DTD1: variants seen among roughly 807,000 people sequenced by gnomAD.
DTD1 encodes D-tyrosyl-tRNA deacylase 1 homolog.
DTD1 carries 13 observed loss-of-function variants against 25.6 expected under a neutral mutation model. The observed-to-expected ratio is 0.51, with a 90% CI of 0.33 to 0.81. The LOEUF (loss-of-function observed/expected upper bound fraction) is 0.81. DTD1 is among the 30% of genes least tolerant of loss of function. The pLI is 0.02. For synonymous variants in DTD1, 110 were observed against 103.6 expected (o/e 1.06, Z -0.37); for missense variants, 193 against 266.4 (o/e 0.72, Z 1.92).
intron 3 of DTD1, 107 bp downstream of exon 3, chr20:18,596,348 A>G: frequency 2.2e-6 from 2 of 928,210 alleles, no homozygotes; most frequent in South Asian, 3.3e-5. Flanking sequence ...GTCATTGTTT[A>G]TGCTTGTTAC....
Position 18,725,105 on chromosome 20 carries a change from G to A in DTD1, c.478-18995G>A, listed in dbSNP as rs186116492. On this transcript the variant is annotated intron_variant, in intron 4 of 5. Coordinates refer to ENST00000377452, the MANE Select transcript of DTD1 (RefSeq NM_080820.6). ...CCTGCAGAGCAGGGCTACCCTGCAG[G>A]CAGAGAGTAGCAGCTCAGGGCAGTT... Among the ~76,000 whole-genome samples, 4 of 151,050 alleles carry A rather than the reference G, an allele frequency of 2.6e-5. No homozygotes were observed. The East Asian group carries it at 7.7e-4, about 29-fold the overall frequency.
intron 4 of DTD1, among the ~76,000 whole-genome samples, chr20:18,721,913 C>G (rs116770135): frequency 6.6e-6 from 1 of 152,286 alleles, no homozygotes; most frequent in African/African-American, 2.4e-5. Context: ...ACACCCGGGT[C>G]TGTGCAGTGT....
At position 18,661,573 on chromosome 20, in the gene DTD1, G is replaced by C. The variant is rs148814932; in HGVS notation, c.477+33340G>C. On this transcript the variant is annotated intron_variant, in intron 4 of 5. Transcript: ENST00000377452. Reference sequence around the variant, plus strand: ...TTTTTAGTAGAGACGGGGTTTCACCGTGTTAGCCAGGATGGTTTTGATCTC... The same window carrying C: ...TTTTTAGTAGAGACGGGGTTTCACCCTGTTAGCCAGGATGGTTTTGATCTC... Among the ~76,000 whole-genome samples, 543 of 152,122 alleles carry C rather than the reference G, an allele frequency of 3.6e-3. 3 individuals are homozygous for C. Among genetic ancestry groups the C allele is most frequent in the South Asian group, 7.9e-3 (38 of 4,824 alleles).
At chr20:18,622,316 G>A (rs1487322321) in intron 3 of DTD1, among the ~76,000 whole-genome samples, 2 of 151,976 alleles carry the variant, frequency 1.3e-5, no homozygotes, top group African/African-American at 4.8e-5. Flanking sequence ...TCCCACTTAT[G>A]ACATCTTTTT....
At chr20:18,738,052 C>A (rs1654611590) in intron 4 of DTD1, among the ~76,000 whole-genome samples, 2 of 152,162 alleles carry the variant, frequency 1.3e-5, no homozygotes, top group South Asian at 4.1e-4. Flanking sequence ...GTGGGGATTG[C>A]CAATTATTTT....
At chr20:18,615,662 G>C (rs2060706336) in intron 3 of DTD1, among the ~76,000 whole-genome samples, 1 of 152,216 alleles carries the variant, frequency 6.6e-6, no homozygotes, top group Admixed American at 6.5e-5. Context: ...TGGGCTCAGG[G>C]AAACATTCAC....
Position 18,628,206 on chromosome 20 carries a change from C to A in DTD1, c.450C>A (p.Pro150=). Residue 150 remains proline, a synonymous_variant, in exon 4 of 6, where the codon CCC becomes CCA. Transcript: ENST00000377452. Reference sequence around the variant, plus strand: ...CCATAGAGCTGGAATCGCCAGCTCCCGGCACTGCTACCTCTGACCCAAAGC... The same window carrying A: ...CCATAGAGCTGGAATCGCCAGCTCCAGGCACTGCTACCTCTGACCCAAAGC... ...PVTIELESPA[P]GTATSDPKQL... is the part of the protein sequence containing the mutation. 1 of 1,613,766 alleles carries A rather than the reference C, an allele frequency of 6.2e-7. No individual in the cohort carries two copies. Among genetic ancestry groups the A allele is most frequent in the Non-Finnish European group, 8.5e-7 (1 of 1,179,782 alleles).
At chr20:18,658,953 T>G (rs2060899634) in intron 4 of DTD1, among the ~76,000 whole-genome samples, 1 of 152,152 alleles carries the variant, frequency 6.6e-6, no homozygotes, top group Admixed American at 6.5e-5. Context: ...CACTTACCTC[T>G]CTGTAGAAAG....
intron 4 of DTD1, among the ~76,000 whole-genome samples, chr20:18,669,344 C>G (rs1375506726): frequency 1.3e-5 from 2 of 152,122 alleles, no homozygotes; most frequent in African/African-American, 4.8e-5. Flanking sequence ...GAGTCCTGTC[C>G]CTTCCCTCAG....
chr20:18,719,449 C>T lies in DTD1; in HGVS notation c.478-24651C>T, dbSNP rs184252783. ...TGAGGAATTAGCCACTAAACTGTCCCATCAGTTGGAGTGGCTGGAATGGCT... is the reference window on the plus strand; with the variant it reads ...TGAGGAATTAGCCACTAAACTGTCCTATCAGTTGGAGTGGCTGGAATGGCT... On this transcript the variant is annotated intron_variant, in intron 4 of 5. Coordinates refer to ENST00000377452, the MANE Select transcript of DTD1 (RefSeq NM_080820.6). Among the ~76,000 whole-genome samples, 396 of 152,336 alleles carry T rather than the reference C, an allele frequency of 2.6e-3. 2 individuals carry two copies. The highest frequency in any genetic ancestry group is 9.0e-3 in the African/African-American group (374 of 41,584).
intron 4 of DTD1, among the ~76,000 whole-genome samples, chr20:18,712,071 C>CA (rs374346099): frequency 0.36 from 49,044 of 135,894 alleles, 8,449 homozygotes; most frequent in Non-Finnish European, 0.4. Context: ...GACTCCGTCT[C>CA]AAAAAAAAAA....
intron 4 of DTD1, among the ~76,000 whole-genome samples, chr20:18,666,830 G>T (rs547985322): frequency 5.3e-5 from 8 of 152,262 alleles, no homozygotes; most frequent in African/African-American, 1.7e-4. Context: ...TTAATCAAAA[G>T]ATTTTTCTCA....
In DTD1 at chr20:18,744,270, A is replaced by G; in HGVS notation, c.*18A>G. The G allele has an allele frequency of 6.2e-7, 1 of 1,610,332 alleles. No individual in the cohort carries two copies. Among genetic ancestry groups the G allele is most frequent in the Non-Finnish European group, 8.5e-7 (1 of 1,179,428 alleles). ...AGCCGTAGCTCAGGAGGCAGAATTC[A>G]GGTAGGAGTTTCCCTGCTTGGCTTC... On this transcript the variant is annotated splice_region_variant and 3_prime_UTR_variant, in exon 5 of 6. Transcript: ENST00000377452.
At chr20:18,635,898 A>G (rs2060805469) in intron 4 of DTD1, among the ~76,000 whole-genome samples, 1 of 152,192 alleles carries the variant, frequency 6.6e-6, no homozygotes, top group African/African-American at 2.4e-5. Context: ...AAAAATTGAA[A>G]AGAGTTTTTT....
chr20:18,714,520 G>A (rs762319851), intron 4 of DTD1, among the ~76,000 whole-genome samples: 27 of 152,212 alleles, frequency 1.8e-4, no homozygotes, highest in Non-Finnish European at 2.9e-5. Context: ...GTTAGGATAA[G>A]TAGTTTTTTC....
At chr20:18,745,025 C>T (rs1373042215) in intron 5 of DTD1, among the ~76,000 whole-genome samples, 1 of 152,184 alleles carries the variant, frequency 6.6e-6, no homozygotes, top group Non-Finnish European at 1.5e-5. Context: ...CTGTGATTGC[C>T]TGTGCAGAAC....
At chr20:18,612,101 C>A (rs2060689380) in intron 3 of DTD1, among the ~76,000 whole-genome samples, 1 of 135,472 alleles carries the variant, frequency 7.4e-6, no homozygotes, top group Admixed American at 8.3e-5. Context: ...GTGGCGGGAT[C>A]TCGGCTCACT....
At chr20:18,760,013 C>T (rs2061355131) in intron 5 of DTD1, among the ~76,000 whole-genome samples, 1 of 152,336 alleles carries the variant, frequency 6.6e-6, no homozygotes, top group Middle Eastern at 3.4e-3. Context: ...ACCCTTTCTT[C>T]CAGTTGATCG....
At chr20:18,658,127 G>A (rs901121062) in intron 4 of DTD1, among the ~76,000 whole-genome samples, 7 of 152,044 alleles carry the variant, frequency 4.6e-5, no homozygotes, top group African/African-American at 1.7e-4. Flanking sequence ...TATTTATTAA[G>A]CCCCTTTCTG....
Sources: allele counts gnomAD v4.1 joint callset (sites outside exome capture counted in the v4.1 genomes callset), GRCh38; gene constraint gnomAD v4.1.1; transcripts MANE v1.5; gene names NCBI Gene and HGNC (gene_info 2026-07-23, HGNC 2026-07-21).